Variants in KAZN observed in about 807,000 individuals in gnomAD.
KAZN encodes the protein kazrin.
In KAZN, 40 loss-of-function variants were observed where a neutral mutation model predicts 87.4. The ratio of observed to expected loss-of-function variants is 0.46; its 90% CI spans 0.36 to 0.60. The LOEUF is 0.60. Ranked by LOEUF, KAZN falls within the 20% of genes least tolerant of loss-of-function variation. KAZN has a pLI of 0.00. For missense variants in KAZN, 898 were observed against 1,073.9 expected (o/e 0.84, Z 2.29); for synonymous variants, 466 against 458.3 (o/e 1.02, Z -0.22).
chr1:14,317,403 A>G (rs1655726377), intron 2 of KAZN, among the ~76,000 whole-genome samples: 1 of 151,746 alleles, frequency 6.6e-6, no homozygotes, highest in Non-Finnish European at 1.5e-5. Context: ...CTTTTAATCT[A>G]TTTGTGTTTT....
Position 15,101,725 on chromosome 1 carries a change from G to T in KAZN, c.1730G>T (p.Ser577Ile), listed in dbSNP as rs1423390653. ...LNVSKKFHQV[S>I]ILLGIELLYQ... Reference sequence around the variant, plus strand: ...GTGTCCAAGAAGTTCCACCAGGTCAGCATCCTGCTGGGGATCGAGCTGCTG... The same window carrying T: ...GTGTCCAAGAAGTTCCACCAGGTCATCATCCTGCTGGGGATCGAGCTGCTG... Residue 577 changes from serine (S) to isoleucine (I), a missense_variant, in exon 11 of 15, where the codon AGC (serine) becomes ATC (isoleucine). Around this residue, in one of 3 missense-constraint regions of KAZN, gnomAD observed 521 missense variants for 689.4 expected, o/e 0.76. Coordinates refer to ENST00000376030, the MANE Select transcript of KAZN (RefSeq NM_201628.3). 2 of 1,593,010 alleles carry T rather than the reference G, an allele frequency of 1.3e-6. No individual in the cohort carries two copies.
At chr1:14,361,526 G>C (rs1326152513) in intron 2 of KAZN, among the ~76,000 whole-genome samples, 2 of 152,232 alleles carry the variant, frequency 1.3e-5, no homozygotes, top group Non-Finnish European at 2.9e-5. Context: ...CTCAGTGTCT[G>C]CCCAAATGGC....
At chr1:14,824,424 A>G (rs1646824387) in intron 1 of KAZN, among the ~76,000 whole-genome samples, 1 of 152,188 alleles carries the variant, frequency 6.6e-6, no homozygotes, top group Non-Finnish European at 1.5e-5. Flanking sequence ...ATGATAACCA[A>G]TTATGATGTG....
At chr1:14,951,486 CATTT>C (rs1662477512) in intron 1 of KAZN, among the ~76,000 whole-genome samples, 1 of 150,728 alleles carries the variant, frequency 6.6e-6, no homozygotes. Context: ...TTCATTCATT[CATTT>C]ATTTTAGACA....
intron 2 of KAZN, among the ~76,000 whole-genome samples, chr1:14,370,536 T>C (rs562447873): frequency 6.6e-6 from 1 of 152,296 alleles, no homozygotes; most frequent in East Asian, 1.9e-4. Flanking sequence ...AAAGCCTTGC[T>C]CCTGGGGGGT....
intron 2 of KAZN, among the ~76,000 whole-genome samples, chr1:14,245,931 A>T (rs531990756): frequency 1.2e-3 from 181 of 152,340 alleles, no homozygotes; most frequent in Non-Finnish European, 2.1e-3. Context: ...AATCAACCCA[A>T]ATGCCCATCA....
At chr1:15,072,950 A>G (rs573296771) in intron 8 of KAZN, among the ~76,000 whole-genome samples, 1 of 152,192 alleles carries the variant, frequency 6.6e-6, no homozygotes, top group Non-Finnish European at 1.5e-5. Flanking sequence ...CAACTCCTTA[A>G]TCCAGAAGAG....
chr1:14,938,192 A>G (rs1320386670), intron 1 of KAZN, among the ~76,000 whole-genome samples: 1 of 152,034 alleles, frequency 6.6e-6, no homozygotes, highest in Non-Finnish European at 1.5e-5. Flanking sequence ...TCATCTGTAA[A>G]TTGGGGTGCT....
chr1:14,456,463 G>T (rs1049254583), intron 2 of KAZN, among the ~76,000 whole-genome samples: 2 of 151,882 alleles, frequency 1.3e-5, no homozygotes, highest in African/African-American at 4.8e-5. Context: ...GTTTATACCT[G>T]TTCTTACAAG....
At chr1:14,986,221 A>G (rs1277799314) in intron 2 of KAZN, among the ~76,000 whole-genome samples, 1 of 152,096 alleles carries the variant, frequency 6.6e-6, no homozygotes, top group Non-Finnish European at 1.5e-5. Flanking sequence ...TATTATTAAC[A>G]TCAGTGGGTA....
At chr1:13,894,098 C>A (rs929750803) in intron 1 of KAZN, among the ~76,000 whole-genome samples, 1 of 152,134 alleles carries the variant, frequency 6.6e-6, no homozygotes, top group Non-Finnish European at 1.5e-5. Flanking sequence ...CTGTGGCCAT[C>A]TTTTGAGGCC....
intron 1 of KAZN, among the ~76,000 whole-genome samples, chr1:14,753,266 G>A (rs969386485): frequency 9.2e-5 from 14 of 151,930 alleles, no homozygotes; most frequent in South Asian, 2.1e-4. Context: ...GGAAGCAGGC[G>A]GTATTTGGTT....
intron 1 of KAZN, among the ~76,000 whole-genome samples, chr1:14,853,607 G>A (rs60942857): frequency 1.2e-3 from 182 of 152,242 alleles, no homozygotes; most frequent in African/African-American, 4.2e-3. Flanking sequence ...CATTCCAGAC[G>A]GATGAAATAG....
At chr1:13,987,318 C>G (rs1301302896) in intron 1 of KAZN, among the ~76,000 whole-genome samples, 1 of 151,876 alleles carries the variant, frequency 6.6e-6, no homozygotes, top group African/African-American at 2.4e-5. Context: ...TCTCCCTCCT[C>G]TTGCCCCCCT....
chr1:14,202,869 T>TTAGC (rs1646667879), intron 2 of KAZN, among the ~76,000 whole-genome samples: 1 of 151,912 alleles, frequency 6.6e-6, no homozygotes, highest in African/African-American at 2.4e-5. Context: ...ATATAAAAAG[T>TTAGC]TAGCTGGGCA....
rs374581049 is a variant in KAZN, at chr1:14,912,236, G to A, written c.227-48448G>A. Among the ~76,000 whole-genome samples, 20 of 151,074 alleles carry A rather than the reference G, an allele frequency of 1.3e-4. No homozygotes were observed. In the East Asian group the frequency reaches 1.6e-3, roughly 12 times the overall value. ...AAGCATCCACATCTCCTGACTCCCCGTCCAGTGCTCCTTCTAATCTGCCAC... is the reference window on the plus strand; with the variant it reads ...AAGCATCCACATCTCCTGACTCCCCATCCAGTGCTCCTTCTAATCTGCCAC... On this transcript the variant is annotated intron_variant, in intron 1 of 14. Transcript: ENST00000376030.
chr1:14,868,449 G>T (rs1209579464), intron 1 of KAZN, among the ~76,000 whole-genome samples: 2 of 152,150 alleles, frequency 1.3e-5, no homozygotes, highest in Non-Finnish European at 2.9e-5. Flanking sequence ...ACTCATCTAG[G>T]GCCACACGTT....
chr1:14,090,842 G>A (rs376094388), intron 1 of KAZN, among the ~76,000 whole-genome samples: 5 of 152,096 alleles, frequency 3.3e-5, no homozygotes, highest in Non-Finnish European at 5.9e-5. Context: ...AGCCGGGTGC[G>A]GTGGCTCAGG....
intron 1 of KAZN, among the ~76,000 whole-genome samples, chr1:14,851,442 C>T (rs1041850508): frequency 2.0e-5 from 3 of 152,214 alleles, no homozygotes; most frequent in African/African-American, 7.2e-5. Flanking sequence ...TCTCAAACAC[C>T]CCACACCCTG....
Sources: allele counts gnomAD v4.1 joint callset (sites outside exome capture counted in the v4.1 genomes callset), GRCh38; gene constraint gnomAD v4.1.1; regional missense constraint gnomAD v4.1.1; transcripts MANE v1.5; gene names NCBI Gene and HGNC (gene_info 2026-07-23, HGNC 2026-07-21).